NUP210: variants seen among roughly 807,000 people sequenced by gnomAD.
NUP210 encodes the protein nucleoporin 210.
In NUP210, 151 loss-of-function variants were observed where a neutral mutation model predicts 196.0. That is an observed-to-expected ratio of 0.77 (90% CI 0.67 to 0.88). The LOEUF (loss-of-function observed/expected upper bound fraction) is 0.88, where lower values mean the gene tolerates loss of function less well. NUP210 is among the 40% of genes least tolerant of loss of function. NUP210 has a pLI of 0.00. For missense variants in NUP210, 2,314 were observed against 2,493.7 expected, an observed-to-expected ratio of 0.93 and a Z score of 1.53; for synonymous variants, 1,070 against 1,052.7, an observed-to-expected ratio of 1.02 and a Z score of -0.32.
intron 29 of NUP210, 147 bp downstream of exon 29, chr3:13,332,146 G>T: frequency 1.6e-6 from 1 of 635,838 alleles, no homozygotes; most frequent in Non-Finnish European, 2.9e-6. Flanking sequence ...AGAAGAGAAG[G>T]AGCAGGCAGA....
At position 13,360,464 on chromosome 3, in the gene NUP210, C is replaced by T. The variant is rs1284878014; in HGVS notation, c.1960G>A (p.Val654Ile). ...KAVDPSSVAL[V>I]TLGSSKEMLF... ...ATCTCCTTTGAGGAGCCCAGGGTTA[C>T]CAAGGCAACAGAGGAGGGATCCACA... is the stretch of plus-strand genomic sequence containing the variant. Residue 654 changes from valine (V) to isoleucine (I), a missense_variant, in exon 15 of 40, where the codon GTA becomes ATA. Coordinates refer to ENST00000254508, the MANE Select transcript of NUP210 (RefSeq NM_024923.4). 1.2e-6 allele frequency: 2 copies of T among 1,612,168 alleles called. No individual in the cohort carries two copies. Among genetic ancestry groups the T allele is most frequent in the African/African-American group, 1.3e-5 (1 of 75,020 alleles).
intron 28 of NUP210, among the ~76,000 whole-genome samples, chr3:13,334,851 C>A (rs1332015998): frequency 1.3e-5 from 2 of 152,212 alleles, no homozygotes; most frequent in Non-Finnish European, 2.9e-5. Flanking sequence ...AGTCCTGACC[C>A]CTGGCTCTGA....
In NUP210 at chr3:13,317,635, G is replaced by A. The variant is rs1029568771; in HGVS notation, c.*46C>T. On this transcript the variant is annotated 3_prime_UTR_variant, in exon 40 of 40. Coordinates refer to ENST00000254508, the MANE Select transcript of NUP210 (RefSeq NM_024923.4). ...AGCAGGGATGTTCCATCTTGGGGGT[G>A]CACGAGGCTCGGCTGAGACCCATCC... 2.2e-6 allele frequency: 3 copies of A among 1,351,782 alleles called. No individual in the cohort carries two copies. Among genetic ancestry groups the A allele is most frequent in the African/African-American group, 1.4e-5 (1 of 69,692 alleles). The allele number at this position is 1,351,782 out of a possible 1,614,324, so 83.7% of individuals were successfully genotyped here.
chr3:13,397,979 A>T (rs1355578880), intron 2 of NUP210, among the ~76,000 whole-genome samples: 2 of 152,342 alleles, frequency 1.3e-5, no homozygotes, highest in African/African-American at 4.8e-5. Flanking sequence ...TGCTCCATAA[A>T]TAAGGTATGT....
Position 13,327,398 on chromosome 3 carries a change from G to A in NUP210, c.4326C>T (p.Asn1442=), listed in dbSNP as rs764238987. The change falls in exon 32 of 40, where the codon AAC becomes AAT. Residue 1442 remains asparagine, a synonymous_variant. Transcript: ENST00000254508. The part of the protein sequence containing the change: ...FVQIGKGPTN[N]TCVVRTVSVG... Reference sequence around the variant, plus strand: ...CGCTGACTGTGCGGACAACGCAGGTGTTGTTGGTGGGGCCCTTCCCGATCT... The same window carrying A: ...CGCTGACTGTGCGGACAACGCAGGTATTGTTGGTGGGGCCCTTCCCGATCT... 9 of 1,613,082 alleles carry A rather than the reference G, an allele frequency of 5.6e-6. No homozygotes were observed. The African/African-American group carries it at 8.0e-5, about 14-fold the overall frequency.
rs76945178 is a variant in NUP210 at position 13,375,142 on chromosome 3, C to CTTT, written c.1431+359_1431+361dup. 7.1e-4 allele frequency among the ~76,000 whole-genome samples: 98 copies of CTTT among 138,428 alleles called. 1 individual carries two copies. The highest frequency in any genetic ancestry group is 2.3e-3 in the South Asian group (10 of 4,392). 90.8% of individuals were successfully genotyped at this position (138,428 alleles called of 152,430 possible). A position where few individuals can be genotyped will look rare whatever the true frequency, so the allele number is the denominator to read the frequency against. ...AGGTTTTCTTTATTCTATTTTTTCTCTTTTTTTTTTTTTTTCCTTTTTTTG... is the reference window on the plus strand; with the variant it reads ...AGGTTTTCTTTATTCTATTTTTTCTCTTTTTTTTTTTTTTTTTTCCTTTTTTTG... On this transcript the variant is annotated intron_variant, in intron 11 of 39. Transcript: ENST00000254508.
intron 12 of NUP210, among the ~76,000 whole-genome samples, chr3:13,372,631 T>C (rs73148088): frequency 0.034 from 5,232 of 152,240 alleles, 130 homozygotes; most frequent in Middle Eastern, 0.075. Flanking sequence ...GTAGAGCGGC[T>C]GGAGCCAGGA....
In NUP210 at chr3:13,339,927, A is replaced by G. The variant is rs548882632; in HGVS notation, c.3398T>C (p.Ile1133Thr). 6 of 1,614,034 alleles carry G rather than the reference A, an allele frequency of 3.7e-6. No homozygotes were observed. In the East Asian group the frequency reaches 1.1e-4, roughly 30 times the overall value. The change falls in exon 25 of 40, where the codon ATC becomes ACC. Residue 1133 changes from isoleucine to threonine, a missense_variant. Transcript: ENST00000254508. Reference protein sequence around the residue: ...SAAGLVQGLAIGNGTVSGLVQ... With the variant: ...SAAGLVQGLATGNGTVSGLVQ... ...GAGCCCAGACACAGTGCCGTTCCCG[A>G]TGGCGAGGCCCTGTACCAGCCCAGC...
intron 5 of NUP210, among the ~76,000 whole-genome samples, chr3:13,386,649 T>G (rs969390634): frequency 6.6e-6 from 1 of 152,206 alleles, no homozygotes; most frequent in Middle Eastern, 3.4e-3. Flanking sequence ...CTGCCCATTG[T>G]GCATGGTTTA....
chr3:13,418,790 A>AAAAC (rs375003927), intron 1 of NUP210, among the ~76,000 whole-genome samples: 25 of 151,484 alleles, frequency 1.7e-4, no homozygotes, highest in South Asian at 1.3e-3. Context: ...GTGCACTCTA[A>AAAAC]AAACAAACAA....
intron 14 of NUP210, among the ~76,000 whole-genome samples, chr3:13,364,559 T>C (rs1440909688): frequency 1.3e-5 from 2 of 152,200 alleles, no homozygotes; most frequent in African/African-American, 2.4e-5. Flanking sequence ...CCAGGCACGG[T>C]GGCTCACGCC....
intron 29 of NUP210, among the ~76,000 whole-genome samples, chr3:13,331,047 G>A (rs773298704): frequency 5.9e-5 from 9 of 152,110 alleles, no homozygotes; most frequent in Non-Finnish European, 8.8e-5. Context: ...CTTTGAGTCC[G>A]ACAGAATCCA....
chr3:13,405,654 G>A (rs146884987), intron 1 of NUP210, among the ~76,000 whole-genome samples: 76 of 152,272 alleles, frequency 5.0e-4, no homozygotes, highest in African/African-American at 1.7e-3. Context: ...AAGGGCAACT[G>A]AGGAAAGGAA....
Position 13,365,972 on chromosome 3 carries a change from T to C in NUP210, c.1906A>G (p.Thr636Ala). The part of the protein sequence containing the change: ...HGHVHLSAKI[T>A]IAAYLPLKAV... ...TTGAGGGGCAGGTAGGCAGCAATGG[T>C]GATCTTGGCACTCAGGTGGACGTGG... is the stretch of plus-strand genomic sequence containing the variant. Residue 636 changes from threonine to alanine, a missense_variant, in exon 14 of 40, where the codon ACC becomes GCC. Transcript: ENST00000254508. 1 of 1,614,116 alleles carries C rather than the reference T, an allele frequency of 6.2e-7. No individual in the cohort carries two copies. Among genetic ancestry groups the C allele is most frequent in the Non-Finnish European group, 8.5e-7 (1 of 1,179,980 alleles).
Position 13,340,198 on chromosome 3 carries a change from A to C in NUP210, c.3291+38T>G, listed in dbSNP as rs770825660. On this transcript the variant is annotated intron_variant, in intron 24 of 39. Coordinates refer to ENST00000254508, the MANE Select transcript of NUP210 (RefSeq NM_024923.4). This position sits in a 1 kb window ranked among gnomAD's most constrained non-coding sequence, Gnocchi z 4.0. ...TGCCTGGAACCAGGTGGTGGCCTGCACTGGGGCTGGAGCAGGACGTGGCCT... is the reference window on the plus strand; with the variant it reads ...TGCCTGGAACCAGGTGGTGGCCTGCCCTGGGGCTGGAGCAGGACGTGGCCT... 3 of 1,611,628 alleles carry C rather than the reference A, an allele frequency of 1.9e-6. No homozygotes were observed. The highest frequency in any genetic ancestry group is 3.3e-5 in the Admixed American group (2 of 60,008).
intron 1 of NUP210, among the ~76,000 whole-genome samples, chr3:13,406,975 C>T (rs1394190545): frequency 6.6e-6 from 1 of 152,104 alleles, no homozygotes; most frequent in Non-Finnish European, 1.5e-5. Context: ...GTTCTCTCAT[C>T]TGTTGGTATC....
chr3:13,402,071 C>G (rs1441340700), intron 1 of NUP210, among the ~76,000 whole-genome samples: 1 of 151,994 alleles, frequency 6.6e-6, no homozygotes, highest in Non-Finnish European at 1.5e-5. Context: ...TGGTGGTGTG[C>G]ACCTGTGGTC....
chr3:13,318,802 C>T (rs34909253), intron 39 of NUP210, among the ~76,000 whole-genome samples: 2 of 152,202 alleles, frequency 1.3e-5, no homozygotes, highest in Admixed American at 1.3e-4. Flanking sequence ...GCATCCAGTC[C>T]TAGCATGCAC....
At position 13,376,430 on chromosome 3, in the gene NUP210, T is replaced by C. The variant is rs776976326; in HGVS notation, c.1154A>G (p.Asn385Ser). ...KFSNKVYVSD[N>S]IRIETVLPAE... Reference sequence around the variant, plus strand: ...AGGAAGCACAGTTTCAATTCGGATGTTCTGGAAGGTGAGGCAGGACAGGAG... The same window carrying C: ...AGGAAGCACAGTTTCAATTCGGATGCTCTGGAAGGTGAGGCAGGACAGGAG... Residue 385 changes from asparagine to serine, a missense_variant and splice_region_variant, in exon 10 of 40, where the codon AAC becomes AGC. Physicochemically the swap from Asn to Ser is conservative, Grantham distance 46. Transcript: ENST00000254508. 4 of 1,614,172 alleles carry C rather than the reference T, an allele frequency of 2.5e-6. No individual in the cohort carries two copies. The highest frequency in any genetic ancestry group is 2.2e-5 in the East Asian group (1 of 44,872).
Sources: allele counts gnomAD v4.1 joint callset (sites outside exome capture counted in the v4.1 genomes callset), GRCh38; gene constraint gnomAD v4.1.1; non-coding constraint Gnocchi (gnomAD v3.1); transcripts MANE v1.5; gene names NCBI Gene and HGNC (gene_info 2026-07-23, HGNC 2026-07-21).